RGS7: variants seen among roughly 807,000 people sequenced by gnomAD.
RGS7 encodes regulator of G protein signaling 7, also known as regulator of G-protein signaling 7.
RGS7 carries 27 observed loss-of-function variants against 81.1 expected under a neutral mutation model. That is an observed-to-expected ratio of 0.33 (90% CI 0.25 to 0.46). The LOEUF is 0.46. Among genes scored for constraint, RGS7 ranks in the 20% least tolerant of loss-of-function variants. The pLI, the probability that RGS7 is intolerant of heterozygous loss-of-function variation, is 1.00. For missense variants in RGS7, 396 were observed against 607.4 expected (o/e 0.65, Z 3.66); for synonymous variants, 208 against 207.7 (o/e 1.00, Z -0.01).
At chr1:240,863,661 G>T (rs984216189) in intron 9 of RGS7, among the ~76,000 whole-genome samples, 1 of 152,140 alleles carries the variant, frequency 6.6e-6, no homozygotes, top group Non-Finnish European at 1.5e-5. Context: ...ACACATGTTA[G>T]TTGGATTCCC....
intron 2 of RGS7, among the ~76,000 whole-genome samples, chr1:241,151,509 T>C (rs1190045547): frequency 3.3e-5 from 5 of 150,756 alleles, no homozygotes; most frequent in Non-Finnish European, 7.4e-5. Context: ...CTCAACTCTG[T>C]CAAAGACACT....
chr1:241,279,805 T>A (rs1414983960), intron 2 of RGS7, among the ~76,000 whole-genome samples: 1 of 152,234 alleles, frequency 6.6e-6, no homozygotes, highest in African/African-American at 2.4e-5. Context: ...AAATATAGAA[T>A]TATATGATAT....
chr1:240,889,918 A>G (rs974720147), intron 6 of RGS7, among the ~76,000 whole-genome samples: 4 of 152,162 alleles, frequency 2.6e-5, no homozygotes, highest in Non-Finnish European at 5.9e-5. Context: ...GGATGCTACC[A>G]AGAAGGTACA....
At chr1:240,912,784 T>A (rs1671983075) in intron 6 of RGS7, among the ~76,000 whole-genome samples, 1 of 152,104 alleles carries the variant, frequency 6.6e-6, no homozygotes, top group Non-Finnish European at 1.5e-5. Context: ...CTGTTTTCAT[T>A]AATGGAATTT....
chr1:240,925,836 G>A (rs139729811), intron 6 of RGS7, among the ~76,000 whole-genome samples: 2 of 152,136 alleles, frequency 1.3e-5, no homozygotes, highest in Non-Finnish European at 2.9e-5. Flanking sequence ...GTGTGAGATC[G>A]TATATCATTG....
chr1:241,102,811 G>A (rs1430251623), intron 2 of RGS7, among the ~76,000 whole-genome samples: 1 of 151,928 alleles, frequency 6.6e-6, no homozygotes, highest in Non-Finnish European at 1.5e-5. Context: ...TGAGATTTAT[G>A]TCTCAATCAC....
At chr1:241,098,408 T>C (rs992315941) in intron 3 of RGS7, among the ~76,000 whole-genome samples, 1 of 152,256 alleles carries the variant, frequency 6.6e-6, no homozygotes, top group Non-Finnish European at 1.5e-5. Flanking sequence ...TACGTCTTTA[T>C]TTATTTTAAT....
In RGS7 at chr1:240,827,155, T is replaced by C. The variant is rs35467041; in HGVS notation, c.627A>G (p.Thr209=). The stretch of plus-strand genomic sequence containing the variant: ...ATGACTTCTTAATGTCCACTTCAGT[T>C]GTATTTACACATCCAGGCTGGGAAT... The part of the protein sequence containing the change: ...VHRPVPGCVN[T]TEVDIKKSSR... The change falls in exon 10 of 19, where the codon ACA becomes ACG. Residue 209 remains threonine (T), a synonymous_variant. Coordinates refer to ENST00000440928, the MANE Select transcript of RGS7 (RefSeq NM_001364886.1). 1.8e-3 allele frequency: 2,883 copies of C among 1,613,618 alleles called. 31 individuals are homozygous for C. The African/African-American group carries it at 0.027, about 15-fold the overall frequency.
chr1:241,135,701 G>A (rs942126181), intron 2 of RGS7, among the ~76,000 whole-genome samples: 2 of 152,062 alleles, frequency 1.3e-5, no homozygotes, highest in African/African-American at 4.8e-5. Context: ...TGAACAAGAT[G>A]ATCTGAGTGG....
At chr1:241,210,534 A>G (rs1049619866) in intron 2 of RGS7, among the ~76,000 whole-genome samples, 6 of 152,242 alleles carry the variant, frequency 3.9e-5, no homozygotes, top group African/African-American at 9.6e-5. Flanking sequence ...AGGGTAGAAC[A>G]TGAGAGTTTG....
intron 2 of RGS7, among the ~76,000 whole-genome samples, chr1:241,254,328 A>G (rs975784130): frequency 2.4e-4 from 36 of 152,192 alleles, no homozygotes; most frequent in African/African-American, 8.4e-4. Context: ...CACAGAGAAG[A>G]AATTTTCTTG....
intron 9 of RGS7, among the ~76,000 whole-genome samples, chr1:240,865,518 C>T (rs1398430764): frequency 2.0e-5 from 3 of 152,206 alleles, no homozygotes; most frequent in African/African-American, 7.2e-5. Flanking sequence ...TTCACAGATC[C>T]TGTCTAGAAG....
intron 6 of RGS7, among the ~76,000 whole-genome samples, chr1:240,928,559 TG>T (rs1674863734): frequency 6.6e-6 from 1 of 151,822 alleles, no homozygotes; most frequent in Admixed American, 6.6e-5. Context: ...ACACAACAGA[TG>T]GGCAGAAAGA....
intron 2 of RGS7, among the ~76,000 whole-genome samples, chr1:241,172,777 T>C (rs1321138171): frequency 1.3e-5 from 2 of 152,238 alleles, no homozygotes; most frequent in Non-Finnish European, 2.9e-5. Context: ...AAGAAAATTT[T>C]ATTTTCAAAG....
intron 6 of RGS7, among the ~76,000 whole-genome samples, chr1:240,875,064 A>G (rs1007788025): frequency 2.6e-4 from 39 of 152,136 alleles, no homozygotes; most frequent in African/African-American, 7.9e-4. Context: ...CAAAAAACAA[A>G]AAACAAAAAA....
chr1:241,060,650 C>A (rs533677891), intron 3 of RGS7, among the ~76,000 whole-genome samples: 1 of 152,092 alleles, frequency 6.6e-6, no homozygotes, highest in Non-Finnish European at 1.5e-5. Flanking sequence ...CGTATCATTG[C>A]TATAAGGTTA....
intron 6 of RGS7, chr1:240,920,094 G>A: frequency 1.1e-6 from 1 of 935,366 alleles, no homozygotes; most frequent in Non-Finnish European, 1.7e-6. Flanking sequence ...AAGAGGCTTT[G>A]CCTTTGTAAT....
At chr1:241,161,091 A>G (rs1436059244) in intron 2 of RGS7, among the ~76,000 whole-genome samples, 1 of 152,190 alleles carries the variant, frequency 6.6e-6, no homozygotes, top group Non-Finnish European at 1.5e-5. Flanking sequence ...TCTTCAACTC[A>G]AATGCCTTCT....
At chr1:240,874,948 A>G (rs913248984) in intron 6 of RGS7, among the ~76,000 whole-genome samples, 1 of 151,934 alleles carries the variant, frequency 6.6e-6, no homozygotes, top group African/African-American at 2.4e-5. Flanking sequence ...AGGCTGAGGC[A>G]GGAGAATTGC....
Sources: allele counts gnomAD v4.1 joint callset (sites outside exome capture counted in the v4.1 genomes callset), GRCh38; gene constraint gnomAD v4.1.1; transcripts MANE v1.5; gene names NCBI Gene and HGNC (gene_info 2026-07-23, HGNC 2026-07-21).